Variants in GRIK3 observed in about 807,000 individuals in gnomAD.
GRIK3 encodes the protein glutamate receptor ionotropic, kainate 3.
In GRIK3, 29 loss-of-function variants were observed where a neutral mutation model predicts 102.5. The ratio of observed to expected loss-of-function variants is 0.28; its 90% CI spans 0.21 to 0.39. The LOEUF (loss-of-function observed/expected upper bound fraction) is 0.39. Among genes scored for constraint, GRIK3 ranks in the 10% least tolerant of loss-of-function variants. The pLI, the probability that GRIK3 is intolerant of heterozygous loss-of-function variation, is 1.00. For synonymous variants in GRIK3, 511 were observed against 504.9 expected (o/e 1.01, Z -0.16); for missense variants, 908 against 1,252.4 (o/e 0.73, Z 4.15).
At chr1:36,959,874 CG>C in intron 1 of GRIK3, among the ~76,000 whole-genome samples, 1 of 60,360 alleles carries the variant, frequency 1.7e-5, no homozygotes, top group Middle Eastern at 0.016. Flanking sequence ...CCCCATGAGC[CG>C]TGTGCCCCAT....
At position 36,859,048 on chromosome 1, in the gene GRIK3, T is replaced by C. The variant is rs1236686495; in HGVS notation, c.1104+60A>G. 1.1e-5 allele frequency: 15 copies of C among 1,415,582 alleles called. No homozygotes were observed. The South Asian group carries it at 1.7e-4, about 16-fold the overall frequency. The allele number at this position is 1,415,582 out of a possible 1,614,324, so 87.7% of individuals were successfully genotyped here. ...CTTCCTGACTCCCAGACCACTCTGC[T>C]GCTCTACAGGGCCCACAGTCCCGGG... On this transcript the variant is annotated intron_variant, in intron 7 of 15. Coordinates refer to ENST00000373091, the MANE Select transcript of GRIK3 (RefSeq NM_000831.4).
intron 8 of GRIK3, 88 bp downstream of exon 8, chr1:36,853,527 G>T: frequency 1.2e-6 from 1 of 836,072 alleles, no homozygotes; most frequent in Admixed American, 1.8e-5. Context: ...CTTGCCCCTT[G>T]CCTCTGGGCC....
intron 1 of GRIK3, among the ~76,000 whole-genome samples, chr1:36,895,927 CT>C (rs1476662614): frequency 5.9e-5 from 9 of 152,136 alleles, no homozygotes; most frequent in African/African-American, 2.2e-4. Context: ...AGAATTACAT[CT>C]GACTTCTCTT....
chr1:36,798,984 C>T lies in GRIK3; in HGVS notation c.*2867G>A, dbSNP rs1642401667. 1 of 152,250 alleles carries T rather than the reference C, an allele frequency of 6.6e-6. No homozygotes were observed. The highest frequency in any genetic ancestry group is 2.4e-5 in the African/African-American group (1 of 41,452). The allele number at this position is 152,250 out of a possible 1,614,324, so 9.4% of individuals were successfully genotyped here. On this transcript the variant is annotated 3_prime_UTR_variant, in exon 16 of 16. Coordinates refer to ENST00000373091, the MANE Select transcript of GRIK3 (RefSeq NM_000831.4). ...GCCTCTGAAGAACATGCTCATGTAG[C>T]ATCACACACACAACACATGTGTGAG...
intron 1 of GRIK3, among the ~76,000 whole-genome samples, chr1:36,955,760 A>G (rs982293246): frequency 5.3e-5 from 8 of 152,270 alleles, no homozygotes; most frequent in Non-Finnish European, 1.0e-4. Flanking sequence ...GTTCAGGACC[A>G]GACACACTTG....
chr1:36,863,916 G>C (rs574703217), intron 5 of GRIK3, among the ~76,000 whole-genome samples: 1 of 152,134 alleles, frequency 6.6e-6, no homozygotes, highest in African/African-American at 2.4e-5. Context: ...GGAATGTAGC[G>C]ACAAGTGTTT....
intron 1 of GRIK3, among the ~76,000 whole-genome samples, chr1:36,904,278 C>T (rs1045120933): frequency 3.9e-5 from 6 of 152,252 alleles, no homozygotes; most frequent in African/African-American, 1.4e-4. Context: ...TGTGCATCGA[C>T]ATGCCGAGCA....
At chr1:37,003,149 A>T (rs1320749369) in intron 1 of GRIK3, among the ~76,000 whole-genome samples, 1 of 151,286 alleles carries the variant, frequency 6.6e-6, no homozygotes, top group Non-Finnish European at 1.5e-5. Context: ...TATAGCAACT[A>T]TTGGACATCA....
chr1:37,033,904 A>C, intron 1 of GRIK3, 90 bp downstream of exon 1: 2 of 662,058 alleles, frequency 3.0e-6, no homozygotes, highest in Non-Finnish European at 5.2e-6. Context: ...GAGAGAGGTT[A>C]GGAAAATCTC....
At chr1:36,943,029 T>A (rs1381132496) in intron 1 of GRIK3, among the ~76,000 whole-genome samples, 1 of 152,156 alleles carries the variant, frequency 6.6e-6, no homozygotes, top group Non-Finnish European at 1.5e-5. Flanking sequence ...CACTACACAT[T>A]CCCACTCACC....
chr1:36,876,018 T>A (rs892970312), intron 3 of GRIK3, among the ~76,000 whole-genome samples: 1 of 152,162 alleles, frequency 6.6e-6, no homozygotes, highest in Non-Finnish European at 1.5e-5. Flanking sequence ...CTATACAGGA[T>A]TGTCTTCTAG....
intron 1 of GRIK3, among the ~76,000 whole-genome samples, chr1:37,008,720 C>T (rs939753627): frequency 2.6e-5 from 4 of 152,164 alleles, no homozygotes; most frequent in Non-Finnish European, 5.9e-5. Context: ...GGGATGGCCC[C>T]GCTTGCCTGA....
chr1:36,875,736 C>T (rs1179823675), intron 3 of GRIK3, among the ~76,000 whole-genome samples: 2 of 152,220 alleles, frequency 1.3e-5, no homozygotes, highest in Non-Finnish European at 2.9e-5. Context: ...ACGACCTAGC[C>T]AAGTTCAAGA....
chr1:36,950,312 A>C (rs1377062423), intron 1 of GRIK3, among the ~76,000 whole-genome samples: 2 of 152,252 alleles, frequency 1.3e-5, no homozygotes, highest in Non-Finnish European at 2.9e-5. Context: ...CCATTGAATA[A>C]CATAAAGAAG....
chr1:36,817,129 A>G lies in GRIK3; in HGVS notation c.2022T>C (p.Asp674=), dbSNP rs754758740. 5 of 1,614,172 alleles carry G rather than the reference A, an allele frequency of 3.1e-6. No individual in the cohort carries two copies. The East Asian group carries it at 8.9e-5, about 29-fold the overall frequency. The part of the protein sequence containing the change: ...ERMESPIDSA[D]DLAKQTKIEY... ...CGATTTTGGTTTGCTTGGCCAGGTCATCAGCAGAGTCAATGGGTGATTCCA... is the reference window on the plus strand; with the variant it reads ...CGATTTTGGTTTGCTTGGCCAGGTCGTCAGCAGAGTCAATGGGTGATTCCA... Residue 674 remains aspartate (D), a synonymous_variant, in exon 13 of 16, where the codon GAT becomes GAC. Coordinates refer to ENST00000373091, the MANE Select transcript of GRIK3 (RefSeq NM_000831.4).
rs530220228 is a variant in GRIK3 at position 36,903,711 on chromosome 1, A to AT, written c.116-12616dup. 1.0e-4 allele frequency among the ~76,000 whole-genome samples: 16 copies of AT among 152,382 alleles called. No homozygotes were observed. In the East Asian group the frequency reaches 2.9e-3, roughly 28 times the overall value. The stretch of plus-strand genomic sequence containing the variant: ...GCCTATCACTAAGCGAATGAAGCCA[A>AT]TGTGAAAAGGCTACAGACTATATGA... On this transcript the variant is annotated intron_variant, in intron 1 of 15. Transcript: ENST00000373091.
Position 36,799,134 on chromosome 1 carries a change from T to G in GRIK3, c.*2717A>C, listed in dbSNP as rs1427471929. ...CATTAGAATCCTGTTACCTGGGAATTACAAAAAAGAGTTTTCCCTTCAAAC... is the reference window on the plus strand; with the variant it reads ...CATTAGAATCCTGTTACCTGGGAATGACAAAAAAGAGTTTTCCCTTCAAAC... On this transcript the variant is annotated 3_prime_UTR_variant, in exon 16 of 16. Transcript: ENST00000373091. The G allele has an allele frequency of 6.6e-6, 1 of 152,170 alleles. No homozygotes were observed. Among genetic ancestry groups the G allele is most frequent in the African/African-American group, 2.4e-5 (1 of 41,450 alleles). 9.4% of individuals were successfully genotyped at this position (152,170 alleles called of 1,614,324 possible).
chr1:36,950,902 G>A (rs1454060471), intron 1 of GRIK3, among the ~76,000 whole-genome samples: 1 of 152,240 alleles, frequency 6.6e-6, no homozygotes, highest in African/African-American at 2.4e-5. Context: ...GCAACGGGGA[G>A]CGGAGGGTCT....
chr1:36,945,385 G>A (rs924462222), intron 1 of GRIK3, among the ~76,000 whole-genome samples: 1 of 152,188 alleles, frequency 6.6e-6, no homozygotes, highest in African/African-American at 2.4e-5. Flanking sequence ...CCAGGCCTGG[G>A]GCCTCTGCCT....
Sources: allele counts gnomAD v4.1 joint callset (sites outside exome capture counted in the v4.1 genomes callset), GRCh38; gene constraint gnomAD v4.1.1; transcripts MANE v1.5; gene names NCBI Gene and HGNC (gene_info 2026-07-23, HGNC 2026-07-21).